Variants in FDFT1 observed in about 807,000 individuals in gnomAD.
FDFT1 encodes farnesyl-diphosphate farnesyltransferase 1.
In FDFT1, 68 loss-of-function variants were observed where a neutral mutation model predicts 46.8. The ratio of observed to expected loss-of-function variants is 1.45; its 90% CI spans 1.19 to 1.78. The LOEUF (loss-of-function observed/expected upper bound fraction) is 1.78, where lower values mean the gene tolerates loss of function less well. FDFT1 is among the 40% of genes most tolerant of loss of function. FDFT1 has a pLI of 0.00. For missense variants in FDFT1, 928 were observed against 524.4 expected, an observed-to-expected ratio of 1.77 and a Z score of -7.52; for synonymous variants, 351 against 185.1, an observed-to-expected ratio of 1.90 and a Z score of -7.28.
intron 3 of FDFT1, among the ~76,000 whole-genome samples, chr8:11,818,831 C>G (rs1373737421): frequency 1.3e-5 from 2 of 152,174 alleles, no homozygotes; most frequent in South Asian, 2.1e-4. Context: ...CGTCTTTTAA[C>G]TGGGGCATTT....
intron 3 of FDFT1, among the ~76,000 whole-genome samples, chr8:11,816,127 C>T (rs1410069165): frequency 6.6e-6 from 1 of 152,196 alleles, no homozygotes; most frequent in Non-Finnish European, 1.5e-5. Context: ...AATAGGGAAT[C>T]CTTTCTCCAT....
intron 3 of FDFT1, 60 bp downstream of exon 3, chr8:11,809,910 G>T (rs941782921): frequency 1.5e-6 from 2 of 1,318,284 alleles, no homozygotes; most frequent in South Asian, 1.3e-5. Context: ...TAACGTGGTT[G>T]TCCGGTAGCC....
In FDFT1 at chr8:11,830,273, G is replaced by T. The variant is rs750525000; in HGVS notation, c.732G>T (p.Gly244=). ...GGAGCAGGTATGTTAAGAAGTTAGGGGATTTTGCTAAGCCGGAGAATATTG... is the reference window on the plus strand; with the variant it reads ...GGAGCAGGTATGTTAAGAAGTTAGGTGATTTTGCTAAGCCGGAGAATATTG... The part of the protein sequence containing the change: ...EVWSRYVKKL[G]DFAKPENIDL... Residue 244 remains glycine (G), a synonymous_variant, in exon 6 of 8, where the codon GGG becomes GGT. Coordinates refer to ENST00000220584, the MANE Select transcript of FDFT1 (RefSeq NM_004462.5). 14 of 1,614,036 alleles carry T rather than the reference G, an allele frequency of 8.7e-6. No individual in the cohort carries two copies. Among genetic ancestry groups the T allele is most frequent in the Non-Finnish European group, 1.1e-5 (13 of 1,179,938 alleles).
rs375875514 is a variant in FDFT1 at position 11,830,235 on chromosome 8, T to A, written c.703-9T>A. On this transcript the variant is annotated splice_polypyrimidine_tract_variant and intron_variant, in intron 5 of 7. Transcript: ENST00000220584. The stretch of plus-strand genomic sequence containing the variant: ...GCTGACCTGTTCCTTAATCTTCTTA[T>A]CTGTCTAGGTTTGGAGCAGGTATGT... 2.5e-6 allele frequency: 4 copies of A among 1,610,118 alleles called. No individual in the cohort carries two copies.
chr8:11,813,551 T>G (rs1808022676), intron 3 of FDFT1, among the ~76,000 whole-genome samples: 1 of 152,190 alleles, frequency 6.6e-6, no homozygotes, highest in Non-Finnish European at 1.5e-5. Context: ...AGTGACAGAA[T>G]CAATGAATCT....
In FDFT1 at chr8:11,838,891, A is replaced by C; in HGVS notation, c.*282A>C. 1 of 429,644 alleles carries C rather than the reference A, an allele frequency of 2.3e-6. No homozygotes were observed. The highest frequency in any genetic ancestry group is 4.2e-6 in the Non-Finnish European group (1 of 236,076). 26.6% of individuals were successfully genotyped at this position (429,644 alleles called of 1,614,324 possible). A position where few individuals can be genotyped will look rare whatever the true frequency, so the allele number is the denominator to read the frequency against. ...GCCACGGTTTAGGTGAAGTCGCTGC[A>C]TATGTGACTGTCATGAGATCCTACT... On this transcript the variant is annotated 3_prime_UTR_variant, in exon 8 of 8. Transcript: ENST00000220584.
At chr8:11,819,150 T>C (rs1331615317) in intron 3 of FDFT1, among the ~76,000 whole-genome samples, 1 of 152,194 alleles carries the variant, frequency 6.6e-6, no homozygotes, top group Non-Finnish European at 1.5e-5. Context: ...GGGTTGAAAA[T>C]TCTTTAAGAA....
intron 3 of FDFT1, among the ~76,000 whole-genome samples, chr8:11,816,345 A>T (rs1229742456): frequency 6.6e-6 from 1 of 152,220 alleles, no homozygotes; most frequent in African/African-American, 2.4e-5. Flanking sequence ...TGTCTTGGCT[A>T]TGCAGGCTCT....
At chr8:11,810,106 G>A (rs983419506) in intron 3 of FDFT1, 2 of 431,136 alleles carry the variant, frequency 4.6e-6, no homozygotes, top group Admixed American at 4.4e-5. Flanking sequence ...GTAAAATAGG[G>A]GTAATAATAA....
At chr8:11,824,425 T>G (rs1809680520) in intron 4 of FDFT1, among the ~76,000 whole-genome samples, 1 of 152,144 alleles carries the variant, frequency 6.6e-6, no homozygotes, top group African/African-American at 2.4e-5. Flanking sequence ...AAGGGGAAGT[T>G]TTAGCAAAGT....
At chr8:11,823,948 G>C (rs1382366767) in intron 4 of FDFT1, among the ~76,000 whole-genome samples, 1 of 152,000 alleles carries the variant, frequency 6.6e-6, no homozygotes, top group African/African-American at 2.4e-5. Flanking sequence ...GTTTCATCGT[G>C]TTGCCTAGGC....
chr8:11,802,480 G>T, upstream of FDFT1: 2 of 479,060 alleles, frequency 4.2e-6, no homozygotes, highest in Non-Finnish European at 8.3e-6. Context: ...ACAAAGGCCC[G>T]GCTCCATCAG....
chr8:11,838,629 T>C lies in FDFT1; in HGVS notation c.*20T>C. ...CACTGATCCCAAATTTGTCCATAGC[T>C]GAAGTCCACCATAAAGTGGATTTAC... is the stretch of plus-strand genomic sequence containing the variant. On this transcript the variant is annotated 3_prime_UTR_variant, in exon 8 of 8. Transcript: ENST00000220584. 6.4e-7 allele frequency: 1 copy of C among 1,559,736 alleles called. No individual in the cohort carries two copies. Among genetic ancestry groups the C allele is most frequent in the Non-Finnish European group, 8.8e-7 (1 of 1,130,350 alleles).
chr8:11,837,757 C>T (rs1811739937), intron 7 of FDFT1, among the ~76,000 whole-genome samples: 1 of 152,148 alleles, frequency 6.6e-6, no homozygotes, highest in African/African-American at 2.4e-5. Flanking sequence ...TAAGCTTAGA[C>T]TCACGTTGGA....
chr8:11,834,317 G>A (rs995878621), intron 7 of FDFT1, among the ~76,000 whole-genome samples: 5 of 152,226 alleles, frequency 3.3e-5, no homozygotes, highest in African/African-American at 1.2e-4. Flanking sequence ...CTGGATGCTT[G>A]TCAGCTGGGG....
chr8:11,823,694 T>C (rs112360282), intron 4 of FDFT1, among the ~76,000 whole-genome samples: 2,082 of 152,142 alleles, frequency 0.014, 52 homozygotes, highest in African/African-American at 0.046. Flanking sequence ...CTCAGCCTCC[T>C]GAGTAACTGG....
At chr8:11,802,377 GA>G (rs1806216580), upstream of FDFT1, 1 of 453,340 alleles carries the variant, frequency 2.2e-6, no homozygotes, top group South Asian at 1.6e-5. Context: ...CCCGACTGCG[GA>G]CCACCGTTGG....
At chr8:11,837,735 G>C (rs1454547625) in intron 7 of FDFT1, among the ~76,000 whole-genome samples, 2 of 152,300 alleles carry the variant, frequency 1.3e-5, no homozygotes, top group Middle Eastern at 3.4e-3. Flanking sequence ...CAGACAGGTA[G>C]ATTTGGGAAT....
rs1810812743 is a variant in FDFT1 at position 11,831,638 on chromosome 8, G to T, written c.1000G>T (p.Val334Phe). ...LMMDATNMPA[V>F]KAIIYQYMEE... The stretch of plus-strand genomic sequence containing the variant: ...GATGGATGCCACCAATATGCCAGCT[G>T]TCAAAGCCATCATATATCAGTATAT... Residue 334 changes from valine to phenylalanine, a missense_variant, in exon 7 of 8, where the codon GTC (valine) becomes TTC (phenylalanine). Transcript: ENST00000220584. 1 of 1,613,926 alleles carries T rather than the reference G, an allele frequency of 6.2e-7. No individual in the cohort carries two copies. Among genetic ancestry groups the T allele is most frequent in the Non-Finnish European group, 8.5e-7 (1 of 1,179,910 alleles).
Sources: allele counts gnomAD v4.1 joint callset (sites outside exome capture counted in the v4.1 genomes callset), GRCh38; gene constraint gnomAD v4.1.1; transcripts MANE v1.5; gene names NCBI Gene and HGNC (gene_info 2026-07-23, HGNC 2026-07-21).